PLCB2: variants seen among roughly 807,000 people sequenced by gnomAD.
PLCB2 encodes 1-phosphatidylinositol 4,5-bisphosphate phosphodiesterase beta-2.
A neutral mutation model predicts 141.7 loss-of-function variants in PLCB2; 115 were observed. The ratio of observed to expected loss-of-function variants is 0.81; its 90% CI spans 0.70 to 0.95. The LOEUF is 0.95. Ranked by LOEUF, PLCB2 falls within the 40% of genes least tolerant of loss-of-function variation. PLCB2 has a pLI of 0.00. For synonymous variants in PLCB2, 603 were observed against 595.6 expected (o/e 1.01, Z -0.18); for missense variants, 1,403 against 1,541.1 (o/e 0.91, Z 1.50).
downstream of PLCB2, chr15:40,285,799 C>T (rs1183147387): frequency 7.1e-6 from 7 of 984,762 alleles, no homozygotes; most frequent in South Asian, 1.4e-4. Flanking sequence ...ATGACTCACA[C>T]CCCCCCAGGT....
intron 7 of PLCB2, among the ~76,000 whole-genome samples, chr15:40,300,044 G>A (rs913355798): frequency 6.6e-6 from 1 of 152,216 alleles, no homozygotes; most frequent in Non-Finnish European, 1.5e-5. Flanking sequence ...AGCGGGATGT[G>A]ACTAACCTAA....
In PLCB2 at chr15:40,303,704, C is replaced by G. The variant is rs183868765; in HGVS notation, c.162+297G>C. 2.6e-3 allele frequency among the ~76,000 whole-genome samples: 396 copies of G among 152,312 alleles called. 1 individual carries two copies. Among genetic ancestry groups the G allele is most frequent in the African/African-American group, 9.2e-3 (381 of 41,570 alleles). ...GCCTATCTCTCATCTCCCAGAGCCCCAAGTCAACCCACAGCCACAGGCAGA... is the reference window on the plus strand; with the variant it reads ...GCCTATCTCTCATCTCCCAGAGCCCGAAGTCAACCCACAGCCACAGGCAGA... On this transcript the variant is annotated intron_variant, in intron 2 of 31. Transcript: ENST00000260402.
At chr15:40,289,885 A>G (rs985919837) in intron 30 of PLCB2, 140 bp downstream of exon 30, 3 of 753,386 alleles carry the variant, frequency 4.0e-6, no homozygotes, top group Non-Finnish European at 7.2e-6. Flanking sequence ...TGCATCTCCT[A>G]AGGGCAAAGT....
chr15:40,290,672 G>T lies in PLCB2; in HGVS notation c.3114C>A (p.Asn1038Lys). 1 of 1,613,232 alleles carries T rather than the reference G, an allele frequency of 6.2e-7. No individual in the cohort carries two copies. The change falls in exon 29 of 32, where the codon AAC (asparagine) becomes AAA (lysine). Residue 1038 changes from asparagine to lysine, a missense_variant and splice_region_variant. Asn to Lys is a moderately conservative substitution (Grantham distance 94). Around this residue, in one of 4 missense-constraint regions of PLCB2, gnomAD observed 290 missense variants for 245.9 expected, o/e 1.18. Transcript: ENST00000260402. ...GCTTTTTCTTCATCTCTTTGGTGTC[G>T]CTGCAGAGAGACAGGCATGAAGGAG... Reference protein sequence around the residue: ...ELKALKETSENDTKEMKKKLE... With the variant: ...ELKALKETSEKDTKEMKKKLE...
chr15:40,284,645 T>A (rs1295758101), downstream of PLCB2: 8 of 439,658 alleles, frequency 1.8e-5, no homozygotes, highest in Non-Finnish European at 3.2e-5. Context: ...ATCGAGACCA[T>A]CCTGGCCAAC....
intron 31 of PLCB2, 144 bp downstream of exon 31, chr15:40,289,127 TC>T: frequency 9.9e-7 from 1 of 1,010,878 alleles, no homozygotes; most frequent in East Asian, 2.5e-5. Context: ...CAGAGCTGCC[TC>T]ATTTGAAAGG....
intron 30 of PLCB2, 47 bp downstream of exon 30, chr15:40,289,962 AGAGAGAGTGTGTGTGT>A (rs2039789670): frequency 4.9e-6 from 3 of 618,280 alleles, no homozygotes; most frequent in African/African-American, 2.8e-5. Flanking sequence ...AGAGAGAGAG[AGAGAGAGTGTGTGTGT>A]GTGTGTGTGT....
intron 30 of PLCB2, among the ~76,000 whole-genome samples, 179 bp downstream of exon 30, chr15:40,289,846 A>T (rs1474690551): frequency 1.3e-5 from 2 of 151,430 alleles, no homozygotes; most frequent in Admixed American, 1.3e-4. Flanking sequence ...GTCCCCTGCC[A>T]CCCCAGCTGC....
intron 7 of PLCB2, chr15:40,301,678 G>A: frequency 1.4e-6 from 1 of 703,358 alleles, no homozygotes; most frequent in Middle Eastern, 2.3e-4. Flanking sequence ...TCTGCTGCCT[G>A]CCCTGAACAC....
intron 20 of PLCB2, 56 bp from the exon 21 acceptor site, chr15:40,293,081 C>G: frequency 9.1e-7 from 1 of 1,099,138 alleles, no homozygotes; most frequent in Non-Finnish European, 1.3e-6. Context: ...CCAAGCTGAC[C>G]CCCTCCCTGG....
In PLCB2 at chr15:40,298,508, A is replaced by T. The variant is rs2040349376; in HGVS notation, c.997+54T>A. On this transcript the variant is annotated intron_variant, in intron 10 of 31. Coordinates refer to ENST00000260402, the MANE Select transcript of PLCB2 (RefSeq NM_004573.3). ...AGCATGTGGGCAACCCCTGTGGAGG[A>T]TGCAGGGAACCCCTGTGAAAGCAGA... The T allele has an allele frequency of 2.5e-6, 4 of 1,609,910 alleles. No homozygotes were observed. In the Admixed American group the frequency reaches 6.7e-5, roughly 27 times the overall value.
In PLCB2 at chr15:40,293,715, C is replaced by T. The variant is rs757388467; in HGVS notation, c.2071G>A (p.Gly691Arg). The T allele has an allele frequency of 3.1e-6, 5 of 1,609,352 alleles. No individual in the cohort carries two copies. The South Asian group carries it at 4.4e-5, about 14-fold the overall frequency. The change falls in exon 20 of 32, where the codon GGG (glycine) becomes AGG (arginine). Residue 691 changes from glycine (G) to arginine (R), a missense_variant. This residue lies in a region of PLCB2 where 975 missense variants were observed against 1,141.1 expected (regional missense o/e 0.85). Transcript: ENST00000260402. ...ATTLSITVIS[G>R]QFLSERSVRT... Reference sequence around the variant, plus strand: ...ACGCTGCGTTCTGACAGGAACTGCCCAGAGATCACCTGGGGGTAGGGGCCC... The same window carrying T: ...ACGCTGCGTTCTGACAGGAACTGCCTAGAGATCACCTGGGGGTAGGGGCCC...
chr15:40,307,482 C>T (rs1174362255), intron 1 of PLCB2, 107 bp downstream of exon 1: 2 of 637,462 alleles, frequency 3.1e-6, no homozygotes, highest in Non-Finnish European at 5.2e-6. Flanking sequence ...ACACAGGCGC[C>T]TGGATCCTAG....
chr15:40,301,501 C>T, intron 7 of PLCB2: 1 of 702,668 alleles, frequency 1.4e-6, no homozygotes, highest in Middle Eastern at 2.3e-4. Flanking sequence ...AAGTCTGCAT[C>T]TTGGCAGCTT....
At chr15:40,284,832 C>A (rs1242054934), downstream of PLCB2, among the ~76,000 whole-genome samples, 2 of 72,914 alleles carry the variant, frequency 2.7e-5, no homozygotes, top group Non-Finnish European at 4.7e-5. Context: ...GAGTGAGACT[C>A]CGTCAAAAAA....
intron 3 of PLCB2, 144 bp from the exon 4 acceptor site, chr15:40,302,753 A>G: frequency 1.2e-6 from 1 of 865,216 alleles, no homozygotes; most frequent in Non-Finnish European, 1.8e-6. Context: ...AGGCCTTAGC[A>G]TCTTCCTGTC....
At position 40,290,500 on chromosome 15, in the gene PLCB2, A is replaced by G. The variant is rs2039828958; in HGVS notation, c.3209+77T>C. 2.9e-6 allele frequency: 3 copies of G among 1,017,880 alleles called. No individual in the cohort carries two copies. In the African/African-American group the frequency reaches 4.9e-5, roughly 16 times the overall value. The allele number at this position is 1,017,880 out of a possible 1,614,324, so 63.1% of individuals were successfully genotyped here. ...CAGATGCATCTTTGGGAAGTGAGTC[A>G]GGATCCATTTGTAGAGAGGCCCCTT... On this transcript the variant is annotated intron_variant, in intron 29 of 31. Transcript: ENST00000260402.
In PLCB2 at chr15:40,307,194, G is replaced by A. The variant is rs574041087; in HGVS notation, c.84+395C>T. 2.3e-3 allele frequency among the ~76,000 whole-genome samples: 352 copies of A among 152,290 alleles called. 2 individuals are homozygous for A. Among genetic ancestry groups the A allele is most frequent in the Middle Eastern group, 0.01 (3 of 294 alleles). On this transcript the variant is annotated intron_variant, in intron 1 of 31. Coordinates refer to ENST00000260402, the MANE Select transcript of PLCB2 (RefSeq NM_004573.3). ...GGGGGTGAAGGAGCTGGGTCTGAGC[G>A]CCCTGCCGGAGCAAGGGCAAGACAT... is the stretch of plus-strand genomic sequence containing the variant.
intron 11 of PLCB2, 66 bp downstream of exon 11, chr15:40,298,157 C>G: frequency 6.7e-7 from 1 of 1,493,086 alleles, no homozygotes; most frequent in Non-Finnish European, 9.0e-7. Flanking sequence ...TCCAACCCCT[C>G]AAAGCTTCTG....
Sources: allele counts gnomAD v4.1 joint callset (sites outside exome capture counted in the v4.1 genomes callset), GRCh38; gene constraint gnomAD v4.1.1; regional missense constraint gnomAD v4.1.1; transcripts MANE v1.5; gene names NCBI Gene and HGNC (gene_info 2026-07-23, HGNC 2026-07-21).